The following GRIN2A variants were observed in gnomAD, a reference collection of about 807,000 sequenced individuals.
GRIN2A encodes glutamate ionotropic receptor NMDA type subunit 2A.
A neutral mutation model predicts 113.4 loss-of-function variants in GRIN2A; 22 were observed. The observed-to-expected ratio is 0.19, with a 90% confidence interval of 0.14 to 0.28. The LOEUF (loss-of-function observed/expected upper bound fraction) is 0.28. Among genes scored for constraint, GRIN2A ranks in the 10% least tolerant of loss-of-function variants. The pLI, the probability that GRIN2A is intolerant of heterozygous loss-of-function variation, is 1.00. For synonymous variants in GRIN2A, 827 were observed against 738.4 expected, an observed-to-expected ratio of 1.12 and a Z score of -1.94; for missense variants, 1,502 against 1,887.0, an observed-to-expected ratio of 0.80 and a Z score of 3.78.
intron 3 of GRIN2A, among the ~76,000 whole-genome samples, chr16:9,926,910 G>C (rs1329186708): frequency 1.6e-5 from 2 of 121,392 alleles, no homozygotes; most frequent in African/African-American, 7.2e-5. Flanking sequence ...TTTGGAAACA[G>C]GAAAAACACT....
chr16:9,872,569 C>G (rs1280811290), intron 4 of GRIN2A, among the ~76,000 whole-genome samples: 71 of 152,156 alleles, frequency 4.7e-4, no homozygotes, highest in Admixed American at 4.6e-3. Flanking sequence ...GCCTCCATGT[C>G]ATTTTGGTAA....
intron 2 of GRIN2A, among the ~76,000 whole-genome samples, chr16:10,123,912 A>G (rs2048878818): frequency 6.6e-6 from 1 of 152,184 alleles, no homozygotes; most frequent in African/African-American, 2.4e-5. Context: ...GGTTACAGAA[A>G]GCTATATGTA....
At chr16:9,854,228 G>A (rs1470812768) in intron 4 of GRIN2A, among the ~76,000 whole-genome samples, 5 of 152,014 alleles carry the variant, frequency 3.3e-5, no homozygotes, top group Non-Finnish European at 2.9e-5. Flanking sequence ...TTGTACCCTA[G>A]GCAAAATATG....
intron 2 of GRIN2A, among the ~76,000 whole-genome samples, chr16:10,087,099 T>C (rs1391113145): frequency 1.3e-5 from 2 of 152,044 alleles, no homozygotes; most frequent in Non-Finnish European, 2.9e-5. Flanking sequence ...GGCTCGAGAG[T>C]CTGACCAAGT....
chr16:9,766,757 A>AAATCG (rs1162142244), intron 12 of GRIN2A, among the ~76,000 whole-genome samples: 6 of 152,058 alleles, frequency 3.9e-5, no homozygotes, highest in Non-Finnish European at 8.8e-5. Context: ...AAATCAAATC[A>AAATCG]ATCAATCAAT....
intron 2 of GRIN2A, among the ~76,000 whole-genome samples, chr16:10,004,502 A>G (rs2046373035): frequency 6.6e-6 from 1 of 152,184 alleles, no homozygotes; most frequent in South Asian, 2.1e-4. Context: ...GGATGTCAGA[A>G]TTCCCAAATC....
chr16:10,079,430 C>G (rs2047938025), intron 2 of GRIN2A, among the ~76,000 whole-genome samples: 1 of 152,122 alleles, frequency 6.6e-6, no homozygotes, highest in Non-Finnish European at 1.5e-5. Flanking sequence ...GGGGTAGGCA[C>G]TATGGTCTGA....
rs35352418 is a variant in GRIN2A, at chr16:9,910,537, CTT to C, written c.1008-19439_1008-19438del. 4.8e-4 allele frequency among the ~76,000 whole-genome samples: 59 copies of C among 123,278 alleles called. 2 individuals are homozygous for C. The highest frequency in any genetic ancestry group is 1.6e-3 in the African/African-American group (53 of 32,330). The allele number at this position is 123,278 out of a possible 152,430, so 80.9% of individuals were successfully genotyped here. A position where few individuals can be genotyped will look rare whatever the true frequency, so the allele number is the denominator to read the frequency against. On this transcript the variant is annotated intron_variant, in intron 3 of 12. Coordinates refer to ENST00000330684, the MANE Select transcript of GRIN2A (RefSeq NM_001134407.3). ...GAGTCTCATATGAAGTCTCAGAGTT[CTT>C]TTTTTTTTTTTTTTTTTTGAGACGG...
At chr16:9,797,782 G>T (rs1435789052) in intron 11 of GRIN2A, among the ~76,000 whole-genome samples, 1 of 152,188 alleles carries the variant, frequency 6.6e-6, no homozygotes, top group Non-Finnish European at 1.5e-5. Flanking sequence ...GTTTTGTGAT[G>T]TAGGGGGCTG....
intron 2 of GRIN2A, among the ~76,000 whole-genome samples, chr16:10,002,393 C>T (rs1266272786): frequency 6.6e-6 from 1 of 152,218 alleles, no homozygotes; most frequent in African/African-American, 2.4e-5. Flanking sequence ...CTGTGGAATA[C>T]ATTCCCCTAG....
At position 9,788,016 on chromosome 16, in the gene GRIN2A, G is replaced by A. The variant is rs143921956; in HGVS notation, c.2356+10261C>T. Among the ~76,000 whole-genome samples, 421 of 152,256 alleles carry A rather than the reference G, an allele frequency of 2.8e-3. 2 individuals are homozygous for A. Among genetic ancestry groups the A allele is most frequent in the African/African-American group, 9.7e-3 (404 of 41,540 alleles). The stretch of plus-strand genomic sequence containing the variant: ...GGTCTGTGCCTTGTACCAACACACC[G>A]GAGCCGAGGAGAAGCACGGATGGCT... On this transcript the variant is annotated intron_variant, in intron 11 of 12. Transcript: ENST00000330684.
chr16:9,798,548 A>G, intron 10 of GRIN2A, 84 bp from the exon 11 acceptor site: 1 of 964,038 alleles, frequency 1.0e-6, no homozygotes, highest in Non-Finnish European at 1.7e-6. Flanking sequence ...TCCTGAAAGC[A>G]TCCCACACTT....
chr16:10,180,508 C>T lies in GRIN2A; in HGVS notation c.-18-79G>A. 7 of 1,534,440 alleles carry T rather than the reference C, an allele frequency of 4.6e-6. No individual in the cohort carries two copies. In the South Asian group the frequency reaches 8.4e-5, roughly 18 times the overall value. On this transcript the variant is annotated intron_variant, in intron 1 of 12. Transcript: ENST00000330684. This position sits in a 1 kb window ranked among gnomAD's most constrained non-coding sequence, Gnocchi z 7.0. ...AAGGGATTACCAACTTGGCTTCCTG[C>T]TCTAGGAGCCAGGCATGGAACTCAG...
chr16:10,041,385 A>G (rs991357539), intron 2 of GRIN2A, among the ~76,000 whole-genome samples: 1 of 152,206 alleles, frequency 6.6e-6, no homozygotes, highest in Non-Finnish European at 1.5e-5. Flanking sequence ...CAATAAAATG[A>G]CAAATTCTTT....
At chr16:9,959,105 G>A (rs2045373126) in intron 2 of GRIN2A, among the ~76,000 whole-genome samples, 1 of 152,092 alleles carries the variant, frequency 6.6e-6, no homozygotes, top group Non-Finnish European at 1.5e-5. Flanking sequence ...GAATACCCCA[G>A]AATACTCATT....
rs1441611768 is a variant in GRIN2A, at chr16:10,125,628, G to A, written c.414+54370C>T. On this transcript the variant is annotated intron_variant, in intron 2 of 12. Coordinates refer to ENST00000330684, the MANE Select transcript of GRIN2A (RefSeq NM_001134407.3). ...ATCATCCTCATACTGCTCATGGTGG[G>A]AGGAAAAAAAAAAAAAAAAAGACTG... Among the ~76,000 whole-genome samples, 4 of 132,278 alleles carry A rather than the reference G, an allele frequency of 3.0e-5. 1 individual carries two copies. The highest frequency in any genetic ancestry group is 4.2e-4 in the East Asian group (2 of 4,810). 86.8% of individuals were successfully genotyped at this position (132,278 alleles called of 152,430 possible).
rs1567344535 is a variant in GRIN2A at position 9,849,843 on chromosome 16, G to A, written c.1241C>T (p.Ala414Val). 1.9e-6 allele frequency: 3 copies of A among 1,613,744 alleles called. No individual in the cohort carries two copies. The highest frequency in any genetic ancestry group is 2.5e-6 in the Non-Finnish European group (3 of 1,179,834). ...NHLSIVTLEE[A>V]PFVIVEDIDP... ...TATGTCTTCCACGATGACGAATGGGGCCTCCTCCAGGGTGACGATGCTGAG... is the reference window on the plus strand; with the variant it reads ...TATGTCTTCCACGATGACGAATGGGACCTCCTCCAGGGTGACGATGCTGAG... Residue 414 changes from alanine to valine, a missense_variant, in exon 5 of 13, where the codon GCC becomes GTC. Physicochemically the swap from Ala to Val is moderately conservative, Grantham distance 64. Around this residue, in one of 7 missense-constraint regions of GRIN2A, gnomAD observed 334 missense variants for 403.0 expected, o/e 0.83. Transcript: ENST00000330684.
intron 2 of GRIN2A, among the ~76,000 whole-genome samples, chr16:10,083,071 C>A (rs1289615497): frequency 6.6e-6 from 1 of 152,192 alleles, no homozygotes; most frequent in African/African-American, 2.4e-5. Flanking sequence ...ACAAGTTTCT[C>A]TTTGCAAAAA....
chr16:9,800,467 A>C (rs1158081480), intron 10 of GRIN2A, among the ~76,000 whole-genome samples: 2 of 152,198 alleles, frequency 1.3e-5, no homozygotes, highest in Non-Finnish European at 2.9e-5. Flanking sequence ...ACAGTGAAGC[A>C]AAAAAATAAA....
Sources: allele counts gnomAD v4.1 joint callset (sites outside exome capture counted in the v4.1 genomes callset), GRCh38; gene constraint gnomAD v4.1.1; regional missense constraint gnomAD v4.1.1; non-coding constraint Gnocchi (gnomAD v3.1); transcripts MANE v1.5; gene names NCBI Gene and HGNC (gene_info 2026-07-23, HGNC 2026-07-21).